The following PDS5B variants were observed in gnomAD, a reference collection of about 807,000 sequenced individuals.
PDS5B encodes PDS5 cohesin associated factor B.
Under a neutral mutation model 184.1 loss-of-function variants are expected in PDS5B, and 51 were observed. That is an observed-to-expected ratio of 0.28 (90% CI 0.22 to 0.35). The LOEUF is 0.35. PDS5B is among the 10% of genes least tolerant of loss of function. The pLI, the probability that PDS5B is intolerant of heterozygous loss-of-function variation, is 1.00. For synonymous variants in PDS5B, 566 were observed against 569.2 expected, an observed-to-expected ratio of 0.99 and a Z score of 0.08; for missense variants, 1,180 against 1,723.3, an observed-to-expected ratio of 0.68 and a Z score of 5.58.
In PDS5B at chr13:32,770,127, T is replaced by C. The variant is rs201027085; in HGVS notation, c.3631T>C (p.Leu1211=). The C allele has an allele frequency of 3.6e-5, 57 of 1,596,962 alleles. No homozygotes were observed. The highest frequency in any genetic ancestry group is 4.1e-5 in the African/African-American group (3 of 73,514). Residue 1211 remains leucine, a synonymous_variant, in exon 32 of 35, where the codon TTG becomes CTG. Transcript: ENST00000315596. ...RDDSDLVRSE[L]EKPRGRKKTP... ...GATTTTTTTTTTCCCCTAGTCTGAATTGGAGAAGCCTAGAGGCAGGAAAAA... is the reference window on the plus strand; with the variant it reads ...GATTTTTTTTTTCCCCTAGTCTGAACTGGAGAAGCCTAGAGGCAGGAAAAA...
chr13:32,660,356 A>G (rs1593361159), intron 6 of PDS5B, among the ~76,000 whole-genome samples: 1 of 152,206 alleles, frequency 6.6e-6, no homozygotes, highest in African/African-American at 2.4e-5. Context: ...GGGCCCAGCT[A>G]GTGACTTCTG....
At chr13:32,700,297 C>T (rs1483986410) in intron 16 of PDS5B, among the ~76,000 whole-genome samples, 7 of 152,068 alleles carry the variant, frequency 4.6e-5, no homozygotes. Context: ...CATGGGCTAA[C>T]AGCTCATTTT....
chr13:32,720,360 C>A (rs1952627747), intron 19 of PDS5B, among the ~76,000 whole-genome samples: 5 of 151,922 alleles, frequency 3.3e-5, no homozygotes, highest in Admixed American at 1.3e-4. Flanking sequence ...GTAATATATG[C>A]AAACTTAAAA....
chr13:32,689,597 T>C (rs184104295), intron 13 of PDS5B: 27 of 152,308 alleles, frequency 1.8e-4, no homozygotes, highest in Admixed American at 1.5e-3. Context: ...GTTTTACATA[T>C]GATGAAATAA....
At chr13:32,654,914 T>A (rs534675716) in intron 3 of PDS5B, among the ~76,000 whole-genome samples, 1 of 152,346 alleles carries the variant, frequency 6.6e-6, no homozygotes, top group South Asian at 2.1e-4. Context: ...ATATTTTCTT[T>A]ATCCATTTTA....
intron 16 of PDS5B, among the ~76,000 whole-genome samples, chr13:32,700,748 TG>T (rs1182991573): frequency 1.3e-5 from 2 of 152,162 alleles, no homozygotes; most frequent in African/African-American, 4.8e-5. Context: ...TCATGGTGTT[TG>T]GCTTTGCTGT....
At chr13:32,588,797 A>G (rs2057730250) in intron 1 of PDS5B, among the ~76,000 whole-genome samples, 1 of 152,268 alleles carries the variant, frequency 6.6e-6, no homozygotes, top group Non-Finnish European at 1.5e-5. Flanking sequence ...ATTGTTCTGC[A>G]GCTTTGTTTA....
rs557096766 is a variant in PDS5B at position 32,655,618 on chromosome 13, G to A, written c.313-2621G>A. Among the ~76,000 whole-genome samples the A allele has an allele frequency of 4.3e-3, 653 of 151,466 alleles. 7 individuals carry two copies. The highest frequency in any genetic ancestry group is 0.015 in the African/African-American group (604 of 41,288). ...GAACTCCTGACCTTGTGATCTGCCC[G>A]CCTTGGCCTCCCAAAGTACTGGGAT... is the stretch of plus-strand genomic sequence containing the variant. On this transcript the variant is annotated intron_variant, in intron 3 of 34. Transcript: ENST00000315596.
chr13:32,752,244 T>C (rs1253583641), intron 24 of PDS5B, among the ~76,000 whole-genome samples: 1 of 152,186 alleles, frequency 6.6e-6, no homozygotes, highest in Admixed American at 6.5e-5. Flanking sequence ...TTCTATCTTA[T>C]TAGTTACTGT....
rs1022281246 is a variant in PDS5B at position 32,703,634 on chromosome 13, G to A, written c.1856+2196G>A. ...GTGTGGAAAACAGCATTTAAACCTA[G>A]GAAGTCTGTCTCTAGAGCCCACTTG... is the stretch of plus-strand genomic sequence containing the variant. On this transcript the variant is annotated intron_variant, in intron 17 of 34. Transcript: ENST00000315596. 2.0e-5 allele frequency among the ~76,000 whole-genome samples: 3 copies of A among 152,120 alleles called. No homozygotes were observed. The South Asian group carries it at 6.2e-4, about 32-fold the overall frequency.
chr13:32,663,221 A>G (rs933274738), intron 6 of PDS5B, among the ~76,000 whole-genome samples: 1 of 152,124 alleles, frequency 6.6e-6, no homozygotes, highest in Non-Finnish European at 1.5e-5. Context: ...TAAGTGGCAA[A>G]TATTCCTAAC....
chr13:32,616,326 A>T (rs995603451), intron 1 of PDS5B, among the ~76,000 whole-genome samples: 1 of 152,174 alleles, frequency 6.6e-6, no homozygotes, highest in Non-Finnish European at 1.5e-5. Context: ...AAATGCTGGG[A>T]TTACAGGAGT....
intron 1 of PDS5B, among the ~76,000 whole-genome samples, chr13:32,623,432 C>T (rs1025854795): frequency 5.9e-5 from 9 of 152,072 alleles, no homozygotes; most frequent in South Asian, 4.1e-4. Context: ...TATACAAAGT[C>T]GGTTTTAGTC....
chr13:32,590,408 A>G (rs1040111507), intron 1 of PDS5B, among the ~76,000 whole-genome samples: 1 of 152,240 alleles, frequency 6.6e-6, no homozygotes, highest in Non-Finnish European at 1.5e-5. Flanking sequence ...GTGGTTGGCC[A>G]TCCACAGCAA....
At chr13:32,669,548 G>A (rs1414718205) in intron 7 of PDS5B, among the ~76,000 whole-genome samples, 1 of 152,076 alleles carries the variant, frequency 6.6e-6, no homozygotes, top group Non-Finnish European at 1.5e-5. Context: ...AGAAAAAAAG[G>A]CTGAGGAAAT....
intron 6 of PDS5B, among the ~76,000 whole-genome samples, chr13:32,660,881 A>G (rs1950625270): frequency 6.6e-6 from 1 of 152,186 alleles, no homozygotes; most frequent in Admixed American, 6.5e-5. Context: ...CATTTAGCTT[A>G]GGGTGGAAAT....
intron 2 of PDS5B, chr13:32,650,655 A>G (rs1003444780): frequency 1.3e-5 from 2 of 152,220 alleles, no homozygotes; most frequent in African/African-American, 2.4e-5. Context: ...AAAAGCTAAA[A>G]GACCCAGACA....
chr13:32,661,087 T>C (rs1225636770), intron 6 of PDS5B, among the ~76,000 whole-genome samples: 2 of 152,014 alleles, frequency 1.3e-5, no homozygotes, highest in Admixed American at 6.6e-5. Context: ...GAAAAACTCA[T>C]TAGCAATGAA....
At chr13:32,716,863 G>A (rs1952454692) in intron 19 of PDS5B, among the ~76,000 whole-genome samples, 1 of 123,344 alleles carries the variant, frequency 8.1e-6, no homozygotes, top group East Asian at 2.3e-4. Flanking sequence ...CCCCCCGCCC[G>A]GCCAGCCGCC....
Sources: gnomAD v4.1 joint callset for allele counts (sites outside exome capture counted in the v4.1 genomes callset) on GRCh38, gnomAD v4.1.1 for gene constraint, MANE v1.5 for transcripts, NCBI Gene and HGNC (gene_info 2026-07-23, HGNC 2026-07-21) for gene names.